FRMD5: variants seen among roughly 807,000 people sequenced by gnomAD.
FRMD5 encodes the protein FERM domain-containing protein 5.
In FRMD5, 20 loss-of-function variants were observed where a neutral mutation model predicts 69.0. The ratio of observed to expected loss-of-function variants is 0.29; its 90% CI spans 0.20 to 0.42. FRMD5 has a LOEUF of 0.42. Among genes scored for constraint, FRMD5 ranks in the 10% least tolerant of loss-of-function variants. FRMD5 has a pLI of 1.00. For synonymous variants in FRMD5, 271 were observed against 260.1 expected (o/e 1.04, Z -0.40); for missense variants, 595 against 708.6 (o/e 0.84, Z 1.82).
At chr15:43,988,156 T>C (rs1889487424) in intron 1 of FRMD5, among the ~76,000 whole-genome samples, 1 of 152,070 alleles carries the variant, frequency 6.6e-6, no homozygotes, top group African/African-American at 2.4e-5. Flanking sequence ...ATGAAGCTTC[T>C]CTTGCCCCCC....
At chr15:43,874,555 C>T (rs1390052541) in intron 13 of FRMD5, 93 bp from the exon 14 acceptor site, 4 of 872,396 alleles carry the variant, frequency 4.6e-6, no homozygotes, top group African/African-American at 1.7e-5. Flanking sequence ...TACCATTCTG[C>T]ACACCCACAT....
chr15:44,091,233 G>A (rs936860229), intron 1 of FRMD5, among the ~76,000 whole-genome samples: 13 of 152,102 alleles, frequency 8.5e-5, no homozygotes, highest in Admixed American at 2.0e-4. Flanking sequence ...CCTGACTGGT[G>A]GTTTTTAACC....
intron 1 of FRMD5, among the ~76,000 whole-genome samples, chr15:44,017,605 C>G (rs1891025151): frequency 6.7e-6 from 1 of 150,286 alleles, no homozygotes; most frequent in Admixed American, 6.7e-5. Context: ...CATTAATCCC[C>G]AAATATTTCT....
At chr15:44,008,087 C>G (rs1890542159) in intron 1 of FRMD5, among the ~76,000 whole-genome samples, 1 of 118,260 alleles carries the variant, frequency 8.5e-6, no homozygotes, top group Non-Finnish European at 1.7e-5. Flanking sequence ...GGACAATCGG[C>G]AATTTTTTTT....
chr15:44,018,904 C>G (rs1400677461), intron 1 of FRMD5, among the ~76,000 whole-genome samples: 1 of 148,204 alleles, frequency 6.7e-6, no homozygotes, highest in Non-Finnish European at 1.5e-5. Context: ...CTTTTCTTTT[C>G]TTTTTTTTTT....
rs768987510 is a variant in FRMD5, at chr15:43,873,923, T to G, written c.1675A>C (p.Lys559Gln). ...FCPLRRWFAC[K>Q]IRSVVSLLID... Reference sequence around the variant, plus strand: ...AGCAGGCTCACCACTGAGCGGATTTTGCAGGCAAACCATCGCCTGAGGGGA... The same window carrying G: ...AGCAGGCTCACCACTGAGCGGATTTGGCAGGCAAACCATCGCCTGAGGGGA... Residue 559 changes from lysine to glutamine, a missense_variant, in exon 14 of 14, where the codon AAA becomes CAA. Coordinates refer to ENST00000417257, the MANE Select transcript of FRMD5 (RefSeq NM_032892.5). 3 of 1,614,216 alleles carry G rather than the reference T, an allele frequency of 1.9e-6. No individual in the cohort carries two copies. The highest frequency in any genetic ancestry group is 2.5e-6 in the Non-Finnish European group (3 of 1,180,032).
At chr15:44,036,778 C>A (rs1401110583) in intron 1 of FRMD5, among the ~76,000 whole-genome samples, 2 of 152,030 alleles carry the variant, frequency 1.3e-5, no homozygotes, top group African/African-American at 4.8e-5. Flanking sequence ...TTGTTTTGTG[C>A]ATCGGCCTTC....
intron 1 of FRMD5, among the ~76,000 whole-genome samples, chr15:44,069,367 C>G (rs1349125856): frequency 6.6e-6 from 1 of 152,096 alleles, no homozygotes; most frequent in Non-Finnish European, 1.5e-5. Context: ...CACACAAAAA[C>G]CTTTACACAA....
intron 1 of FRMD5, among the ~76,000 whole-genome samples, chr15:44,156,947 T>C (rs2077538616): frequency 6.6e-6 from 1 of 152,116 alleles, no homozygotes; most frequent in African/African-American, 2.4e-5. Context: ...CCCTTCTAGA[T>C]ACATAAGAAA....
chr15:44,020,644 G>A (rs1891171879), intron 1 of FRMD5, among the ~76,000 whole-genome samples: 1 of 152,164 alleles, frequency 6.6e-6, no homozygotes, highest in Non-Finnish European at 1.5e-5. Flanking sequence ...CTAAATCAAT[G>A]AATAATTTTC....
In FRMD5 at chr15:43,984,336, T is replaced by G. The variant is rs115767036; in HGVS notation, c.103-60027A>C. On this transcript the variant is annotated intron_variant, in intron 1 of 13. Transcript: ENST00000417257. Reference sequence around the variant, plus strand: ...ACCCGCATCCCCATCTTCTCCTCTATACACTGCCTCCGGAAACAAGCACTG... The same window carrying G: ...ACCCGCATCCCCATCTTCTCCTCTAGACACTGCCTCCGGAAACAAGCACTG... Among the ~76,000 whole-genome samples, 587 of 152,288 alleles carry G rather than the reference T, an allele frequency of 3.9e-3. 4 individuals carry two copies. The highest frequency in any genetic ancestry group is 0.014 in the African/African-American group (563 of 41,560).
chr15:44,088,864 C>A (rs998537935), intron 1 of FRMD5, among the ~76,000 whole-genome samples: 1 of 152,128 alleles, frequency 6.6e-6, no homozygotes, highest in Admixed American at 6.6e-5. Flanking sequence ...GGATCTGAAC[C>A]CTGTTCAGTC....
At chr15:43,920,868 G>A (rs1187178545) in intron 2 of FRMD5, among the ~76,000 whole-genome samples, 1 of 152,194 alleles carries the variant, frequency 6.6e-6, no homozygotes, top group African/African-American at 2.4e-5. Flanking sequence ...CCTCTGGCAG[G>A]AGAGCAGCCA....
chr15:43,900,054 C>T (rs561357340), intron 7 of FRMD5, among the ~76,000 whole-genome samples: 5 of 152,250 alleles, frequency 3.3e-5, no homozygotes, highest in African/African-American at 1.2e-4. Context: ...TGGGGTCAAA[C>T]GCAGAGGTAA....
intron 1 of FRMD5, among the ~76,000 whole-genome samples, chr15:44,155,412 C>A (rs2077511429): frequency 6.6e-6 from 1 of 151,726 alleles, no homozygotes; most frequent in Non-Finnish European, 1.5e-5. Context: ...AGCCTGGTGA[C>A]AGAGCGAGAC....
intron 1 of FRMD5, among the ~76,000 whole-genome samples, chr15:44,072,108 C>T (rs965800878): frequency 1.3e-5 from 2 of 152,302 alleles, no homozygotes; most frequent in Admixed American, 1.3e-4. Flanking sequence ...TCAGGTGATC[C>T]ACCCACCTTG....
chr15:44,113,481 T>C (rs1291052163), intron 1 of FRMD5, among the ~76,000 whole-genome samples: 1 of 152,226 alleles, frequency 6.6e-6, no homozygotes, highest in African/African-American at 2.4e-5. Flanking sequence ...GATATGAGCA[T>C]GCAATGTGTA....
rs962012702 is a variant in FRMD5 at position 44,153,666 on chromosome 15, T to G, written c.102+41287A>C. Among the ~76,000 whole-genome samples the G allele has an allele frequency of 4.6e-5, 7 of 152,210 alleles. No homozygotes were observed. In the South Asian group the frequency reaches 1.4e-3, roughly 32 times the overall value. On this transcript the variant is annotated intron_variant, in intron 1 of 13. Transcript: ENST00000417257. Reference sequence around the variant, plus strand: ...ATGAATGTATTTCATCTGACTGGACTGTACATTTTAAAATGGTTAAGGCCG... The same window carrying G: ...ATGAATGTATTTCATCTGACTGGACGGTACATTTTAAAATGGTTAAGGCCG...
At position 44,100,660 on chromosome 15, in the gene FRMD5, A is replaced by G. The variant is rs147774777; in HGVS notation, c.102+94293T>C. Among the ~76,000 whole-genome samples, 1,053 of 152,306 alleles carry G rather than the reference A, an allele frequency of 6.9e-3. 8 individuals are homozygous for G. Among genetic ancestry groups the G allele is most frequent in the South Asian group, 0.015 (74 of 4,828 alleles). Reference sequence around the variant, plus strand: ...TAACAACAGAAAGTGACAACCATCAATGAGACACAGTGCAAGGAGGTGCTA... The same window carrying G: ...TAACAACAGAAAGTGACAACCATCAGTGAGACACAGTGCAAGGAGGTGCTA... On this transcript the variant is annotated intron_variant, in intron 1 of 13. Coordinates refer to ENST00000417257, the MANE Select transcript of FRMD5 (RefSeq NM_032892.5).
Sources: allele counts gnomAD v4.1 joint callset (sites outside exome capture counted in the v4.1 genomes callset), GRCh38; gene constraint gnomAD v4.1.1; transcripts MANE v1.5; gene names NCBI Gene and HGNC (gene_info 2026-07-23, HGNC 2026-07-21).